The following CCDC73 variants were observed in gnomAD, a reference collection of about 807,000 sequenced individuals.
The protein encoded by CCDC73 is coiled-coil domain containing 73, also known as coiled-coil domain-containing protein 73.
A neutral mutation model predicts 116.5 loss-of-function variants in CCDC73; 95 were observed. That is an observed-to-expected ratio of 0.82 (90% CI 0.69 to 0.97). The LOEUF (loss-of-function observed/expected upper bound fraction) is 0.97, where lower values mean the gene tolerates loss of function less well. CCDC73 is among the 50% of genes least tolerant of loss of function. The probability of loss-of-function intolerance (pLI) is 0.00; values close to 1 mark genes in which losing one functional copy is unlikely to be tolerated. For synonymous variants in CCDC73, 398 were observed against 401.3 expected (o/e 0.99, Z 0.10); for missense variants, 1,066 against 1,206.8 (o/e 0.88, Z 1.73).
At chr11:32,726,505 T>C (rs1423966609) in intron 2 of CCDC73, among the ~76,000 whole-genome samples, 1 of 151,946 alleles carries the variant, frequency 6.6e-6, no homozygotes, top group African/African-American at 2.4e-5. Flanking sequence ...GACTGAAACA[T>C]GGAGAGAAAA....
At chr11:32,693,817 A>G (rs1331204534) in intron 6 of CCDC73, among the ~76,000 whole-genome samples, 1 of 152,244 alleles carries the variant, frequency 6.6e-6, no homozygotes, top group Non-Finnish European at 1.5e-5. Flanking sequence ...CAAAAACCAC[A>G]TGATTATCTC....
intron 3 of CCDC73, among the ~76,000 whole-genome samples, chr11:32,703,801 T>A (rs1849832640): frequency 1.3e-5 from 2 of 152,220 alleles, no homozygotes; most frequent in South Asian, 4.1e-4. Context: ...TTGGTGGAAG[T>A]TGCACGTTCT....
intron 1 of CCDC73, among the ~76,000 whole-genome samples, chr11:32,778,468 C>G (rs1237302724): frequency 2.0e-5 from 3 of 152,110 alleles, no homozygotes; most frequent in Non-Finnish European, 4.4e-5. Flanking sequence ...GTAATCTGGC[C>G]TTAACAATGG....
rs183411052 is a variant in CCDC73 at position 32,602,838 on chromosome 11, C to T, written c.3213G>A (p.Thr1071=). 27 of 1,601,624 alleles carry T rather than the reference C, an allele frequency of 1.7e-5. No individual in the cohort carries two copies. In the East Asian group the frequency reaches 3.6e-4, roughly 21 times the overall value. The change falls in exon 18 of 18, where the codon ACG becomes ACA. Residue 1071 remains threonine (T), a synonymous_variant. Coordinates refer to ENST00000335185, the MANE Select transcript of CCDC73 (RefSeq NM_001008391.4). The stretch of plus-strand genomic sequence containing the variant: ...ATTTTAATCTGTTGTTTTTTTCCAA[C>T]GTCTCTTCTGCTTTTCTTTTCTTTG... ...NQPKKRKAEE[T]LEKNNRLK
chr11:32,764,043 CGAGAA>C (rs1444095334), intron 1 of CCDC73, among the ~76,000 whole-genome samples: 3 of 151,910 alleles, frequency 2.0e-5, no homozygotes, highest in Admixed American at 1.3e-4. Context: ...TGAAACAAAG[CGAGAA>C]GAGAAGTTTA....
intron 2 of CCDC73, among the ~76,000 whole-genome samples, chr11:32,746,180 T>C (rs192083675): frequency 1.6e-3 from 248 of 152,324 alleles, no homozygotes; most frequent in African/African-American, 5.7e-3. Flanking sequence ...CTCCTTCACT[T>C]ATGAAGCTCA....
At chr11:32,795,478 AAGAAAAG>A, upstream of CCDC73, among the ~76,000 whole-genome samples, 1 of 128,978 alleles carries the variant, frequency 7.8e-6, no homozygotes, top group African/African-American at 2.7e-5. Context: ...CAAAAAAAAA[AAGAAAAG>A]AAAAGTTGCT....
chr11:32,624,345 TAAAA>T (rs1346082045), intron 14 of CCDC73, among the ~76,000 whole-genome samples: 6 of 151,770 alleles, frequency 4.0e-5, no homozygotes, highest in African/African-American at 1.2e-4. Flanking sequence ...AAATAAAAAA[TAAAA>T]AAATAAATAA....
chr11:32,641,565 C>G (rs1360819396), intron 13 of CCDC73, among the ~76,000 whole-genome samples: 1 of 151,838 alleles, frequency 6.6e-6, no homozygotes, highest in African/African-American at 2.4e-5. Context: ...CTCAACAAAA[C>G]TGCTGAGGAA....
At chr11:32,720,291 C>T (rs564375924) in intron 2 of CCDC73, among the ~76,000 whole-genome samples, 19 of 152,154 alleles carry the variant, frequency 1.2e-4, no homozygotes, top group African/African-American at 3.9e-4. Flanking sequence ...TCGCATCAAC[C>T]AACACAGAAA....
At chr11:32,648,284 T>C (rs987123940) in intron 12 of CCDC73, among the ~76,000 whole-genome samples, 3 of 152,234 alleles carry the variant, frequency 2.0e-5, no homozygotes, top group Non-Finnish European at 4.4e-5. Context: ...CACTTTTTAG[T>C]ACTATTACTG....
chr11:32,774,001 T>G (rs1268148592), intron 1 of CCDC73, among the ~76,000 whole-genome samples: 1 of 152,182 alleles, frequency 6.6e-6, no homozygotes, highest in Non-Finnish European at 1.5e-5. Flanking sequence ...TATCTGGCAG[T>G]ATGCCTTCTG....
intron 14 of CCDC73, among the ~76,000 whole-genome samples, chr11:32,623,041 C>T (rs1276849897): frequency 6.6e-6 from 1 of 151,868 alleles, no homozygotes; most frequent in Non-Finnish European, 1.5e-5. Context: ...TGGAGTTTCG[C>T]TCTTTCACCC....
At chr11:32,810,576 G>A in the CCDC73 span, among the ~76,000 whole-genome samples, 1 of 152,044 alleles carries the variant, frequency 6.6e-6, no homozygotes, top group East Asian at 1.9e-4. Context: ...CTTTATTATA[G>A]TTTTCACCCT....
At chr11:32,801,792 C>T in the CCDC73 span, among the ~76,000 whole-genome samples, 2 of 152,102 alleles carry the variant, frequency 1.3e-5, no homozygotes, top group Non-Finnish European at 2.9e-5. Context: ...ATGAGACATC[C>T]ACATGGAAAA....
At chr11:32,791,326 T>G (rs1850673770) in intron 1 of CCDC73, among the ~76,000 whole-genome samples, 2 of 152,338 alleles carry the variant, frequency 1.3e-5, no homozygotes, top group Middle Eastern at 3.4e-3. Flanking sequence ...TTTCCCAAAG[T>G]ATGTTCTAAG....
At chr11:32,760,016 G>T in intron 2 of CCDC73, 93 bp downstream of exon 2, 2 of 1,000,894 alleles carry the variant, frequency 2.0e-6, no homozygotes, top group African/African-American at 3.3e-5. Context: ...CTAAACAAGA[G>T]GGATTTTTTA....
At position 32,614,827 on chromosome 11, in the gene CCDC73, A is replaced by AATT; in HGVS notation, c.1488_1490dup (p.Ile497dup). On this transcript the variant is annotated inframe_insertion, in exon 16 of 18. Coordinates refer to ENST00000335185, the MANE Select transcript of CCDC73 (RefSeq NM_001008391.4). ...TAACATTCGAGGTTTGTCCTTGACTAATTACTTCTTTATCTAAGGAGAGGG... is the reference window on the plus strand; with the variant it reads ...TAACATTCGAGGTTTGTCCTTGACTAATTATTACTTCTTTATCTAAGGAGAGGG... 1.2e-6 allele frequency: 2 copies of AATT among 1,613,202 alleles called. No homozygotes were observed. The highest frequency in any genetic ancestry group is 1.7e-6 in the Non-Finnish European group (2 of 1,179,510).
rs142813248 is a variant in CCDC73, at chr11:32,764,718, T to C, written c.-15-4460A>G. On this transcript the variant is annotated intron_variant, in intron 1 of 17. Transcript: ENST00000335185. ...AAACTGCGTAAACTAACAAGCAAAA[T>C]AACCAGCTAACATCATAATGACAGG... 7.0e-4 allele frequency among the ~76,000 whole-genome samples: 106 copies of C among 152,168 alleles called. 1 individual carries two copies. The East Asian group carries it at 0.02, about 28-fold the overall frequency.
Sources: gnomAD v4.1 joint callset for allele counts (sites outside exome capture counted in the v4.1 genomes callset) on GRCh38, gnomAD v4.1.1 for gene constraint, MANE v1.5 for transcripts, NCBI Gene and HGNC (gene_info 2026-07-23, HGNC 2026-07-21) for gene names.